PITPNM2: variants seen among roughly 807,000 people sequenced by gnomAD.
PITPNM2 encodes the protein membrane-associated phosphatidylinositol transfer protein 2.
A neutral mutation model predicts 132.2 loss-of-function variants in PITPNM2; 35 were observed. That is an observed-to-expected ratio of 0.26 (90% confidence interval 0.20 to 0.35). The LOEUF (loss-of-function observed/expected upper bound fraction) is 0.35. Among genes scored for constraint, PITPNM2 ranks in the 10% least tolerant of loss-of-function variants. PITPNM2 has a pLI of 1.00. For synonymous variants in PITPNM2, 738 were observed against 799.2 expected (o/e 0.92, Z 1.29); for missense variants, 1,332 against 1,912.0 (o/e 0.70, Z 5.66).
chr12:123,014,441 C>T (rs188696931), intron 3 of PITPNM2, among the ~76,000 whole-genome samples: 5 of 152,326 alleles, frequency 3.3e-5, no homozygotes, highest in Admixed American at 2.0e-4. Context: ...CATTGGGTCA[C>T]GCCTATAATC....
At chr12:123,033,966 C>T (rs2040183358) in intron 3 of PITPNM2, among the ~76,000 whole-genome samples, 1 of 152,172 alleles carries the variant, frequency 6.6e-6, no homozygotes, top group Non-Finnish European at 1.5e-5. Flanking sequence ...TATACATTTA[C>T]ACAAATAAAA....
chr12:123,100,195 G>C (rs1453750594), intron 2 of PITPNM2, among the ~76,000 whole-genome samples: 1 of 152,222 alleles, frequency 6.6e-6, no homozygotes, highest in Non-Finnish European at 1.5e-5. Context: ...ATAAAACAAT[G>C]TGCAACGTAA....
intron 1 of PITPNM2, among the ~76,000 whole-genome samples, chr12:123,120,617 G>C (rs533892775): frequency 6.6e-6 from 1 of 152,320 alleles, no homozygotes; most frequent in East Asian, 1.9e-4. Flanking sequence ...CTGAGATGTA[G>C]TGGCACATGT....
chr12:122,989,909 C>T lies in PITPNM2; in HGVS notation c.2609G>A (p.Arg870His), dbSNP rs544874376. Residue 870 changes from arginine (R) to histidine (H), a missense_variant, in exon 18 of 26, where the codon CGT becomes CAT. Physicochemically the swap from Arg to His is conservative, Grantham distance 29 (BLOSUM62 0). This residue lies in a region of PITPNM2 where 710 missense variants were observed against 911.5 expected (regional missense o/e 0.78). Coordinates refer to ENST00000320201, the MANE Select transcript of PITPNM2 (RefSeq NM_020845.3). ...GGCGGGCAGGGCGAGCAGGGACAGA[C>T]GCCTGACGCTGGGGGTATGGCTGAG... ...DALSHTPSVR[R>H]LSLLALPAPS... The T allele has an allele frequency of 1.4e-5, 19 of 1,327,108 alleles. No individual in the cohort carries two copies. The East Asian group carries it at 2.5e-4, about 17-fold the overall frequency. 82.2% of individuals were successfully genotyped at this position (1,327,108 alleles called of 1,614,324 possible). A position where few individuals can be genotyped will look rare whatever the true frequency, so the allele number is the denominator to read the frequency against.
chr12:123,074,559 C>A (rs1566279605), intron 2 of PITPNM2, among the ~76,000 whole-genome samples: 1 of 151,862 alleles, frequency 6.6e-6, no homozygotes, highest in East Asian at 1.9e-4. Context: ...CATGAGCACA[C>A]CACACACGCA....
At chr12:123,133,839 T>TGA (rs2043318209) in intron 1 of PITPNM2, among the ~76,000 whole-genome samples, 5 of 151,204 alleles carry the variant, frequency 3.3e-5, no homozygotes, top group Admixed American at 1.3e-4. Context: ...CCTCCCTCAC[T>TGA]GTACACGAAA....
At chr12:123,042,421 C>A (rs1023675053) in intron 2 of PITPNM2, among the ~76,000 whole-genome samples, 20 of 152,174 alleles carry the variant, frequency 1.3e-4, no homozygotes, top group Non-Finnish European at 1.5e-4. Flanking sequence ...AGAACTTAAT[C>A]TGTTTTTCCA....
chr12:123,024,966 G>T (rs2039802933), intron 3 of PITPNM2, among the ~76,000 whole-genome samples: 1 of 152,078 alleles, frequency 6.6e-6, no homozygotes, highest in African/African-American at 2.4e-5. Flanking sequence ...TTTGTACTAA[G>T]ATCAAAAAAA....
chr12:123,064,065 G>C lies in PITPNM2; in HGVS notation c.-95-29380C>G, dbSNP rs2041335109. ...GATGCTGGGGATCAGCCCTGCTAAA[G>C]AACTGTGTCCCCACACTCAAAACAG... On this transcript the variant is annotated intron_variant, in intron 2 of 25. Transcript: ENST00000320201. The surrounding 1 kb of genome is among the most constrained non-coding windows in gnomAD (Gnocchi z 4.0). Among the ~76,000 whole-genome samples, 1 of 152,152 alleles carries C rather than the reference G, an allele frequency of 6.6e-6. No homozygotes were observed. Among genetic ancestry groups the C allele is most frequent in the Non-Finnish European group, 1.5e-5 (1 of 68,030 alleles).
chr12:123,076,752 C>A (rs1156486593), intron 2 of PITPNM2, among the ~76,000 whole-genome samples: 2 of 152,210 alleles, frequency 1.3e-5, no homozygotes, highest in African/African-American at 4.8e-5. Context: ...TCAGACAGGG[C>A]TACTTGGTGT....
intron 6 of PITPNM2, among the ~76,000 whole-genome samples, chr12:123,007,264 A>G (rs1415729184): frequency 6.6e-6 from 1 of 152,012 alleles, no homozygotes. Context: ...TCAAGCTGGG[A>G]TTGTGTGGCA....
intron 2 of PITPNM2, among the ~76,000 whole-genome samples, chr12:123,059,302 G>C (rs1258537036): frequency 6.6e-6 from 1 of 152,212 alleles, no homozygotes; most frequent in Non-Finnish European, 1.5e-5. Context: ...GCAGCACTGA[G>C]CTACATAGCC....
Position 123,004,370 on chromosome 12 carries a change from G to T in PITPNM2, c.1048+24C>A. On this transcript the variant is annotated intron_variant, in intron 8 of 25. Coordinates refer to ENST00000320201, the MANE Select transcript of PITPNM2 (RefSeq NM_020845.3). This position sits in a 1 kb window ranked among gnomAD's most constrained non-coding sequence, Gnocchi z 4.9. ...CCACCTCGCCCAGGAAGGCCCCAAG[G>T]ACTGCAGAGCGCTGCCTGCCTACCG... is the stretch of plus-strand genomic sequence containing the variant. The T allele has an allele frequency of 6.2e-7, 1 of 1,611,976 alleles. No individual in the cohort carries two copies. Among genetic ancestry groups the T allele is most frequent in the South Asian group, 1.1e-5 (1 of 90,992 alleles).
chr12:123,144,374 A>G (rs1283132422), intron 1 of PITPNM2, among the ~76,000 whole-genome samples: 1 of 152,234 alleles, frequency 6.6e-6, no homozygotes, highest in African/African-American at 2.4e-5. Context: ...CATGAGTCAC[A>G]GTGTTGATGG....
rs374435035 is a variant in PITPNM2, at chr12:123,022,467, G to T, written c.79-8425C>A. On this transcript the variant is annotated intron_variant, in intron 3 of 25. Transcript: ENST00000320201. This position sits in a 1 kb window ranked among gnomAD's most constrained non-coding sequence, Gnocchi z 4.9. ...GAGCCAATGCAGGCAGGGAGAGAGG[G>T]CTTCCTGGAAAAAGAGGCTACCAAG... is the stretch of plus-strand genomic sequence containing the variant. Among the ~76,000 whole-genome samples, 2 of 152,108 alleles carry T rather than the reference G, an allele frequency of 1.3e-5. No homozygotes were observed. Among genetic ancestry groups the T allele is most frequent in the African/African-American group, 4.8e-5 (2 of 41,396 alleles).
chr12:123,002,562 G>A (rs943871581), intron 8 of PITPNM2, among the ~76,000 whole-genome samples: 3 of 152,088 alleles, frequency 2.0e-5, no homozygotes, highest in Admixed American at 2.0e-4. Flanking sequence ...ACAGGCATGC[G>A]CCACGACACT....
At chr12:122,995,293 C>G in intron 14 of PITPNM2, 96 bp downstream of exon 14, 2 of 1,481,968 alleles carry the variant, frequency 1.3e-6, no homozygotes, top group Admixed American at 4.5e-5. Context: ...AGGCAGACAG[C>G]CCGGGTCTCC....
At chr12:123,143,378 T>C (rs1215132597) in intron 1 of PITPNM2, among the ~76,000 whole-genome samples, 1 of 152,132 alleles carries the variant, frequency 6.6e-6, no homozygotes, top group Non-Finnish European at 1.5e-5. Flanking sequence ...GCCCCCCAGC[T>C]GCCAAAAGAG....
intron 1 of PITPNM2, among the ~76,000 whole-genome samples, chr12:123,128,467 T>TA (rs1195446150): frequency 1.1e-5 from 1 of 93,748 alleles, no homozygotes; most frequent in East Asian, 3.2e-4. Context: ...AAAAAAAAGG[T>TA]GGGGGGGCAG....
Sources: allele counts gnomAD v4.1 joint callset (sites outside exome capture counted in the v4.1 genomes callset), GRCh38; gene constraint gnomAD v4.1.1; regional missense constraint gnomAD v4.1.1; non-coding constraint Gnocchi (gnomAD v3.1); transcripts MANE v1.5; gene names NCBI Gene and HGNC (gene_info 2026-07-23, HGNC 2026-07-21).